LRRC49: variants seen among roughly 807,000 people sequenced by gnomAD.
LRRC49 encodes leucine-rich repeat-containing protein 49.
LRRC49 carries 50 observed loss-of-function variants against 83.3 expected under a neutral mutation model. The observed-to-expected ratio is 0.60, with a 90% CI of 0.48 to 0.76. The LOEUF (loss-of-function observed/expected upper bound fraction) is 0.76. Among genes scored for constraint, LRRC49 ranks in the 30% least tolerant of loss-of-function variants. The pLI is 0.00. For synonymous variants in LRRC49, 286 were observed against 283.3 expected, an observed-to-expected ratio of 1.01 and a Z score of -0.10; for missense variants, 704 against 809.1, an observed-to-expected ratio of 0.87 and a Z score of 1.58.
intron 8 of LRRC49, among the ~76,000 whole-genome samples, chr15:70,944,667 C>T (rs769969016): frequency 1.3e-5 from 2 of 152,068 alleles, no homozygotes; most frequent in African/African-American, 2.4e-5. Context: ...GGCCTCCCAA[C>T]GTGCTGTGAT....
rs1367836573 is a variant in LRRC49 at position 70,904,643 on chromosome 15, A to G, written c.388A>G (p.Ile130Val). Residue 130 changes from isoleucine to valine, a missense_variant, in exon 5 of 16, where the codon ATT becomes GTT. This residue lies in a region of LRRC49 where 261 missense variants were observed against 330.5 expected (regional missense o/e 0.79). Coordinates refer to ENST00000260382, the MANE Select transcript of LRRC49 (RefSeq NM_017691.5). ...QHNFITRIQN[I>V]SNLQKLISLD... ...CAATTTTATAACTCGGATACAAAAT[A>G]TTTCTAATCTACAGAAGTTAATATC... The G allele has an allele frequency of 6.2e-7, 1 of 1,613,038 alleles. No individual in the cohort carries two copies. Among genetic ancestry groups the G allele is most frequent in the African/African-American group, 1.3e-5 (1 of 75,026 alleles).
At chr15:70,957,522 C>T (rs1339109397) in intron 8 of LRRC49, among the ~76,000 whole-genome samples, 7 of 151,900 alleles carry the variant, frequency 4.6e-5, no homozygotes, top group African/African-American at 1.7e-4. Flanking sequence ...GGAATTATTC[C>T]AGTTCATCAC....
At chr15:70,863,444 A>G (rs1365446792) in intron 1 of LRRC49, among the ~76,000 whole-genome samples, 1 of 152,242 alleles carries the variant, frequency 6.6e-6, no homozygotes, top group East Asian at 1.9e-4. Context: ...TTTCTCAAGT[A>G]TTCTGGTCTA....
intron 1 of LRRC49, among the ~76,000 whole-genome samples, chr15:70,869,057 TA>T (rs1246713597): frequency 1.4e-4 from 21 of 152,200 alleles, no homozygotes; most frequent in African/African-American, 4.8e-4. Flanking sequence ...TTATCAATTA[TA>T]ATAATATCTC....
chr15:71,047,422 G>A (rs1023638098), intron 15 of LRRC49, among the ~76,000 whole-genome samples: 6 of 152,018 alleles, frequency 3.9e-5, no homozygotes, highest in East Asian at 1.9e-4. Context: ...GTATTCCTAC[G>A]TATTTCATTT....
chr15:71,025,871 G>T (rs1037883473), intron 14 of LRRC49, among the ~76,000 whole-genome samples: 1 of 152,012 alleles, frequency 6.6e-6, no homozygotes, highest in African/African-American at 2.4e-5. Context: ...CCAGATTCAT[G>T]AAACAACTTC....
At chr15:70,967,009 C>T (rs1002836258) in intron 9 of LRRC49, among the ~76,000 whole-genome samples, 5 of 152,058 alleles carry the variant, frequency 3.3e-5, no homozygotes, top group Admixed American at 6.6e-5. Context: ...GCAAAGCAAT[C>T]CCAAGTCTAC....
At chr15:70,905,706 A>T (rs2034277040) in intron 5 of LRRC49, among the ~76,000 whole-genome samples, 1 of 152,136 alleles carries the variant, frequency 6.6e-6, no homozygotes, top group South Asian at 2.1e-4. Flanking sequence ...AGGAGGTATG[A>T]TCTAATGGTA....
chr15:71,006,402 A>G (rs925375859), intron 11 of LRRC49, among the ~76,000 whole-genome samples: 2 of 152,044 alleles, frequency 1.3e-5, no homozygotes, highest in African/African-American at 4.8e-5. Flanking sequence ...CATAACTCTG[A>G]TTCCCCATCA....
intron 11 of LRRC49, among the ~76,000 whole-genome samples, chr15:71,001,192 G>A (rs1314500816): frequency 1.3e-5 from 2 of 151,886 alleles, no homozygotes; most frequent in East Asian, 3.9e-4. Flanking sequence ...TATATTTGAG[G>A]TTAAGTTCTG....
intron 2 of LRRC49, among the ~76,000 whole-genome samples, chr15:70,877,685 C>T (rs534376168): frequency 6.6e-6 from 1 of 152,096 alleles, no homozygotes; most frequent in Admixed American, 6.5e-5. Context: ...GTAAAGTACC[C>T]AGGAGTGAAA....
At chr15:71,042,705 A>G (rs1468605281) in intron 15 of LRRC49, among the ~76,000 whole-genome samples, 1 of 152,200 alleles carries the variant, frequency 6.6e-6, no homozygotes, top group Admixed American at 6.5e-5. Context: ...AGACCCTTTC[A>G]TTATACATGT....
chr15:71,007,823 T>G (rs1334068400), intron 11 of LRRC49, among the ~76,000 whole-genome samples: 1 of 150,638 alleles, frequency 6.6e-6, no homozygotes, highest in African/African-American at 2.4e-5. Context: ...CTGATTTTAC[T>G]GATTATAACT....
chr15:70,922,381 A>G (rs1212472278), intron 7 of LRRC49, among the ~76,000 whole-genome samples: 6 of 152,234 alleles, frequency 3.9e-5, no homozygotes, highest in African/African-American at 9.6e-5. Flanking sequence ...TTGCAACAAC[A>G]TGAATGAACT....
chr15:70,909,731 C>G (rs375028051), intron 5 of LRRC49, among the ~76,000 whole-genome samples: 3 of 151,864 alleles, frequency 2.0e-5, no homozygotes, highest in South Asian at 4.2e-4. Context: ...CCCAGCTACT[C>G]GAGAGGCTGA....
chr15:70,942,402 T>A (rs186062010), intron 8 of LRRC49, among the ~76,000 whole-genome samples: 1 of 152,350 alleles, frequency 6.6e-6, no homozygotes, highest in Non-Finnish European at 1.5e-5. Context: ...ATACGTTTTA[T>A]GATTTCCTTT....
Position 71,006,762 on chromosome 15 carries a change from A to G in LRRC49, c.1170-1617A>G, listed in dbSNP as rs554612284. On this transcript the variant is annotated intron_variant, in intron 11 of 15. Transcript: ENST00000260382. The stretch of plus-strand genomic sequence containing the variant: ...TAAGGCAACAAGTAATTGCAGTACA[A>G]TGTGGCAAGTATTGTAATAGCAGTA... Among the ~76,000 whole-genome samples, 3 of 152,218 alleles carry G rather than the reference A, an allele frequency of 2.0e-5. No homozygotes were observed. In the East Asian group the frequency reaches 5.8e-4, roughly 29 times the overall value.
At chr15:70,882,944 T>G (rs1409264500) in intron 2 of LRRC49, 1 of 1,610,432 alleles carries the variant, frequency 6.2e-7, no homozygotes, top group African/African-American at 1.3e-5. Flanking sequence ...CATATTAAAG[T>G]GTACCTTATA....
At chr15:70,928,099 G>A (rs915553322) in intron 7 of LRRC49, among the ~76,000 whole-genome samples, 3 of 151,998 alleles carry the variant, frequency 2.0e-5, no homozygotes, top group Non-Finnish European at 4.4e-5. Context: ...TGTTGAAATC[G>A]AGTACTAATC....
Sources: allele counts gnomAD v4.1 joint callset (sites outside exome capture counted in the v4.1 genomes callset), GRCh38; gene constraint gnomAD v4.1.1; regional missense constraint gnomAD v4.1.1; transcripts MANE v1.5; gene names NCBI Gene and HGNC (gene_info 2026-07-23, HGNC 2026-07-21).